The following SEMA7A variants were observed in gnomAD, a reference collection of about 807,000 sequenced individuals.
SEMA7A encodes the protein semaphorin-7A.
SEMA7A carries 21 observed loss-of-function variants against 67.5 expected under a neutral mutation model. That is an observed-to-expected ratio of 0.31 (90% CI 0.22 to 0.45). The LOEUF is 0.45. Among genes scored for constraint, SEMA7A ranks in the 20% least tolerant of loss-of-function variants. The pLI is 1.00. For missense variants in SEMA7A, 774 were observed against 908.6 expected, an observed-to-expected ratio of 0.85 and a Z score of 1.90; for synonymous variants, 364 against 368.5, an observed-to-expected ratio of 0.99 and a Z score of 0.14.
At chr15:74,426,937 A>C (rs1161140898) in intron 1 of SEMA7A, among the ~76,000 whole-genome samples, 1 of 152,066 alleles carries the variant, frequency 6.6e-6, no homozygotes, top group Non-Finnish European at 1.5e-5. Context: ...CAGGGCCCAA[A>C]ACCTCAGGGC....
intron 1 of SEMA7A, among the ~76,000 whole-genome samples, chr15:74,431,018 G>A (rs1181188142): frequency 6.6e-6 from 1 of 152,160 alleles, no homozygotes; most frequent in African/African-American, 2.4e-5. Flanking sequence ...TCTGACCTTG[G>A]GGTTCCAAGC....
chr15:74,427,037 T>C (rs190382011), intron 1 of SEMA7A, among the ~76,000 whole-genome samples: 237 of 152,328 alleles, frequency 1.6e-3, no homozygotes, highest in African/African-American at 5.6e-3. Context: ...CCTCCCTGGA[T>C]TGACCTTCCT....
At chr15:74,418,153 T>TC (rs1054418505) in intron 3 of SEMA7A, 115 bp downstream of exon 3, 19 of 1,205,206 alleles carry the variant, frequency 1.6e-5, no homozygotes, top group Non-Finnish European at 2.2e-5. Context: ...GGACCACGTC[T>TC]CCCCATCAGT....
At chr15:74,412,105 C>T (rs1326812231) in intron 10 of SEMA7A, 93 bp from the exon 11 acceptor site, 2 of 1,500,300 alleles carry the variant, frequency 1.3e-6, no homozygotes, top group Non-Finnish European at 1.8e-6. Context: ...GAAGTCACAA[C>T]TCAGGCAAGG....
intron 6 of SEMA7A, 35 bp from the exon 7 acceptor site, chr15:74,416,749 G>A: frequency 6.2e-7 from 1 of 1,606,602 alleles, no homozygotes; most frequent in Non-Finnish European, 8.5e-7. Flanking sequence ...CGTAAGGCTG[G>A]GAAGCTTGCC....
rs773600409 is a variant in SEMA7A, at chr15:74,415,963, G to C, written c.824C>G (p.Ser275Ter). 1 of 1,614,038 alleles carries C rather than the reference G, an allele frequency of 6.2e-7. No homozygotes were observed. Among genetic ancestry groups the C allele is most frequent in the Non-Finnish European group, 8.5e-7 (1 of 1,179,948 alleles). ...LCRGDQGGES[S>*]LSVSKWNTFL... is the part of the protein sequence containing the mutation. Reference sequence around the variant, plus strand: ...AGTGTTCCACTTGGAGACTGACAGTGAACTTTCCCCACCCTGGTCCCCCTG... The same window carrying C: ...AGTGTTCCACTTGGAGACTGACAGTCAACTTTCCCCACCCTGGTCCCCCTG... The change falls in exon 8 of 14, where the codon TCA becomes TGA. Residue 275 changes from serine to a stop codon, truncating the protein, a stop_gained. Coordinates refer to ENST00000261918, the MANE Select transcript of SEMA7A (RefSeq NM_003612.5). LOFTEE classifies it high-confidence loss of function.
chr15:74,432,525 C>A (rs1164940759), intron 1 of SEMA7A, among the ~76,000 whole-genome samples: 1 of 152,236 alleles, frequency 6.6e-6, no homozygotes, highest in African/African-American at 2.4e-5. Flanking sequence ...TGGGCTCCCA[C>A]ACTGCTCAGT....
At position 74,411,037 on chromosome 15, in the gene SEMA7A, G is replaced by A. The variant is rs779916020; in HGVS notation, c.1640-52C>T. 4 of 1,571,478 alleles carry A rather than the reference G, an allele frequency of 2.5e-6. No homozygotes were observed. The African/African-American group carries it at 4.0e-5, about 16-fold the overall frequency. On this transcript the variant is annotated intron_variant, in intron 13 of 13. Coordinates refer to ENST00000261918, the MANE Select transcript of SEMA7A (RefSeq NM_003612.5). The surrounding 1 kb of genome is among the most constrained non-coding windows in gnomAD (Gnocchi z 4.4). ...TGAGGAGGGACAAAGAGCTCCCAGG[G>A]GAGGATGTGTCCTCCCCACGGACTG...
rs1337745522 is a variant in SEMA7A, at chr15:74,410,924, G to A, written c.1701C>T (p.Pro567=). ...APNSRYYLSC[P]MESRHATYSW... Reference sequence around the variant, plus strand: ...AGTAGGTGGCGTGGCGGGATTCCATGGGGCAGCTCAGGTAGTAGCGAGAGT... The same window carrying A: ...AGTAGGTGGCGTGGCGGGATTCCATAGGGCAGCTCAGGTAGTAGCGAGAGT... Residue 567 remains proline, a synonymous_variant, in exon 14 of 14, where the codon CCC becomes CCT. Transcript: ENST00000261918. This position sits in a 1 kb window ranked among gnomAD's most constrained non-coding sequence, Gnocchi z 7.5. 12 of 1,613,992 alleles carry A rather than the reference G, an allele frequency of 7.4e-6. No homozygotes were observed. In the Admixed American group the frequency reaches 1.0e-4, roughly 13 times the overall value.
chr15:74,418,510 T>C (rs564235252), intron 2 of SEMA7A, among the ~76,000 whole-genome samples: 1 of 152,284 alleles, frequency 6.6e-6, no homozygotes, highest in East Asian at 1.9e-4. Context: ...CCCAGAGGGT[T>C]CAGAAGACCA....
At chr15:74,431,459 G>A (rs1374958926) in intron 1 of SEMA7A, among the ~76,000 whole-genome samples, 1 of 152,172 alleles carries the variant, frequency 6.6e-6, no homozygotes, top group Admixed American at 6.5e-5. Context: ...AGAAAATAAA[G>A]AACTTTCCAT....
intron 1 of SEMA7A, among the ~76,000 whole-genome samples, chr15:74,419,202 C>T (rs1251418833): frequency 6.6e-6 from 1 of 152,194 alleles, no homozygotes; most frequent in African/African-American, 2.4e-5. Flanking sequence ...GTGTGGCAGC[C>T]TCTCCTTCCT....
intron 1 of SEMA7A, among the ~76,000 whole-genome samples, chr15:74,428,374 G>A (rs893908017): frequency 1.8e-4 from 27 of 152,186 alleles, no homozygotes; most frequent in Admixed American, 1.5e-3. Context: ...ACTCAGCCCC[G>A]GTCCCAGCTC....
At chr15:74,416,554 A>G (rs963282290) in intron 7 of SEMA7A, 21 bp downstream of exon 7, 3 of 1,611,524 alleles carry the variant, frequency 1.9e-6, no homozygotes, top group South Asian at 1.1e-5. Flanking sequence ...CGTAGCCAGC[A>G]GCCCTCACGC....
At chr15:74,425,687 T>G (rs749097272) in intron 1 of SEMA7A, among the ~76,000 whole-genome samples, 4 of 152,210 alleles carry the variant, frequency 2.6e-5, no homozygotes, top group Non-Finnish European at 5.9e-5. Context: ...CCGTTTTGAA[T>G]ATAAGCTGGG....
chr15:74,420,197 C>A (rs1017041591), intron 1 of SEMA7A, among the ~76,000 whole-genome samples: 1 of 152,224 alleles, frequency 6.6e-6, no homozygotes, highest in Non-Finnish European at 1.5e-5. Context: ...CTGCATTTAA[C>A]AGGGGCAAGG....
In SEMA7A at chr15:74,423,020, T is replaced by G. The variant is rs2061013294; in HGVS notation, c.179-4068A>C. On this transcript the variant is annotated intron_variant, in intron 1 of 13. Transcript: ENST00000261918. This position sits in a 1 kb window ranked among gnomAD's most constrained non-coding sequence, Gnocchi z 4.1. ...ACCTGACCCACTGACCCAGTGGGCC[T>G]TGAATGTAACCTCAAGGAGCCTTTT... Among the ~76,000 whole-genome samples the G allele has an allele frequency of 6.6e-6, 1 of 152,188 alleles. No homozygotes were observed. Among genetic ancestry groups the G allele is most frequent in the Non-Finnish European group, 1.5e-5 (1 of 68,024 alleles).
At chr15:74,430,554 C>A (rs558094391) in intron 1 of SEMA7A, among the ~76,000 whole-genome samples, 2 of 152,346 alleles carry the variant, frequency 1.3e-5, no homozygotes, top group African/African-American at 2.4e-5. Flanking sequence ...TGGACCTGTG[C>A]CAGCGTCCAT....
chr15:74,414,572 G>T lies in SEMA7A; in HGVS notation c.1269C>A (p.Thr423=), dbSNP rs749307413. 6.2e-7 allele frequency: 1 copy of T among 1,614,132 alleles called. No homozygotes were observed. Among genetic ancestry groups the T allele is most frequent in the Non-Finnish European group, 8.5e-7 (1 of 1,180,064 alleles). ...VHRMQASHGE[T]FHVLYLTTDR... ...CTGTAGTTAGGTAAAGCACATGAAAGGTCTCCCCGTGGCTGGCTTGCATGC... is the reference window on the plus strand; with the variant it reads ...CTGTAGTTAGGTAAAGCACATGAAATGTCTCCCCGTGGCTGGCTTGCATGC... The change falls in exon 10 of 14, where the codon ACC becomes ACA. Residue 423 remains threonine (T), a synonymous_variant. Coordinates refer to ENST00000261918, the MANE Select transcript of SEMA7A (RefSeq NM_003612.5). This position sits in a 1 kb window ranked among gnomAD's most constrained non-coding sequence, Gnocchi z 4.1.
Sources: gnomAD v4.1 joint callset for allele counts (sites outside exome capture counted in the v4.1 genomes callset) on GRCh38, gnomAD v4.1.1 for gene constraint, Gnocchi (gnomAD v3.1) non-coding constraint, MANE v1.5 for transcripts, NCBI Gene and HGNC (gene_info 2026-07-23, HGNC 2026-07-21) for gene names.